SHOX: variants seen among roughly 807,000 people sequenced by gnomAD.
The protein encoded by SHOX is short stature homeobox protein.
A neutral mutation model predicts 29.6 loss-of-function variants in SHOX; 12 were observed. The ratio of observed to expected loss-of-function variants is 0.41; its 90% confidence interval spans 0.26 to 0.66. SHOX has a LOEUF of 0.66. Ranked by LOEUF, SHOX falls within the 30% of genes least tolerant of loss-of-function variation. The probability of loss-of-function intolerance (pLI) is 0.35; values close to 1 mark genes in which losing one functional copy is unlikely to be tolerated. For missense variants in SHOX, 499 were observed against 437.7 expected, an observed-to-expected ratio of 1.14 and a Z score of -1.25; for synonymous variants, 214 against 200.6, an observed-to-expected ratio of 1.07 and a Z score of -0.57.
chrX:624,901 TCTCTC>T (rs2052484940), intron 1 of SHOX, among the ~76,000 whole-genome samples: 1 of 56,890 alleles, frequency 1.8e-5, no homozygotes, highest in African/African-American at 7.3e-5. Context: ...TTTCTTTCTT[TCTCTC>T]TTCCTTTCTT....
In SHOX at chrX:644,928, C is replaced by T. The variant is rs2052938400; in HGVS notation, c.*292C>T. 7.1e-6 allele frequency: 3 copies of T among 421,738 alleles called. No individual in the cohort carries two copies. Among genetic ancestry groups the T allele is most frequent in the Non-Finnish European group, 4.1e-6 (1 of 241,482 alleles). The allele number at this position is 421,738 out of a possible 1,614,324, so 26.1% of individuals were successfully genotyped here. On this transcript the variant is annotated 3_prime_UTR_variant, in exon 5 of 5. Coordinates refer to ENST00000686671, the MANE Select transcript of SHOX (RefSeq NM_000451.4). ...TCCTGGGACCCTGGAGAAGGGTAAA[C>T]CCCCGCCTGGCTGCGTCTTCCTCTG...
chrX:642,173 G>A (rs2052865687), intron 4 of SHOX, among the ~76,000 whole-genome samples: 1 of 152,182 alleles, frequency 6.6e-6, no homozygotes, highest in African/African-American at 2.4e-5. Flanking sequence ...AAGGGTCACA[G>A]GAGGAGAGAG....
chrX:651,589 A>C (rs1338379129), downstream of SHOX: 1 of 211,776 alleles, frequency 4.7e-6, no homozygotes, highest in African/African-American at 3.3e-5. Flanking sequence ...TTTGTATTCA[A>C]GTGTTAAAAA....
upstream of SHOX, chrX:630,739 G>T: frequency 1.1e-6 from 1 of 901,326 alleles, no homozygotes. Flanking sequence ...CAGCGCATGG[G>T]GGGCTGGGCG....
At chrX:653,856 G>C (rs988147189), downstream of SHOX, among the ~76,000 whole-genome samples, 1 of 151,924 alleles carries the variant, frequency 6.6e-6, no homozygotes, top group Non-Finnish European at 1.5e-5. Context: ...TGCAGAGAAA[G>C]CAAAAACACT....
intron 2 of SHOX, among the ~76,000 whole-genome samples, chrX:635,674 G>A (rs2052733101): frequency 6.6e-6 from 1 of 152,232 alleles, no homozygotes; most frequent in Non-Finnish European, 1.5e-5. Context: ...CAGAGGGACG[G>A]GCGGGCAGAG....
intron 1 of SHOX, among the ~76,000 whole-genome samples, chrX:632,705 C>G (rs2052672491): frequency 6.6e-6 from 1 of 152,158 alleles, no homozygotes; most frequent in African/African-American, 2.4e-5. Flanking sequence ...GGTTTCTGAC[C>G]GTCTAAGAGG....
In SHOX at chrX:634,822, T is replaced by C; in HGVS notation, c.482T>C (p.Val161Ala). Residue 161 changes from valine to alanine, a missense_variant, in exon 2 of 5, where the codon GTG becomes GCG. By Grantham distance (64) the Val-to-Ala change is moderately conservative. Transcript: ENST00000686671. ...CGCCTGGGGCTCTCCGAGGCGCGCG[T>C]GCAGGTAGGAACCCGGGGGCGGGGG... The part of the protein sequence containing the change: ...SQRLGLSEAR[V>A]QVWFQNRRAK... 1 of 1,565,930 alleles carries C rather than the reference T, an allele frequency of 6.4e-7. No individual in the cohort carries two copies. The highest frequency in any genetic ancestry group is 8.7e-7 in the Non-Finnish European group (1 of 1,155,698).
upstream of SHOX, among the ~76,000 whole-genome samples, chrX:629,422 CCT>C (rs1445007413): frequency 1.4e-5 from 2 of 147,066 alleles, no homozygotes; most frequent in African/African-American, 2.5e-5. Context: ...CGTCTTTCCC[CCT>C]CTGTCTCTTT....
intron 2 of SHOX, among the ~76,000 whole-genome samples, chrX:635,337 C>A (rs2052726583): frequency 6.6e-6 from 1 of 152,142 alleles, no homozygotes. Flanking sequence ...CCCTGATTCC[C>A]CTCCGTCTTC....
At chrX:633,765 C>T (rs1425867084) in intron 1 of SHOX, among the ~76,000 whole-genome samples, 2 of 152,060 alleles carry the variant, frequency 1.3e-5, no homozygotes, top group Non-Finnish European at 2.9e-5. Context: ...GATGCCACTT[C>T]CACCAGCCCT....
intron 1 of SHOX, chrX:624,713 C>A (rs1420102355): frequency 1.4e-5 from 2 of 139,852 alleles, no homozygotes; most frequent in Non-Finnish European, 3.0e-5. Flanking sequence ...TTCTTTCTTT[C>A]TTTCTTTCTT....
At chrX:626,395 A>C (rs866933416), upstream of SHOX, among the ~76,000 whole-genome samples, 14 of 85,406 alleles carry the variant, frequency 1.6e-4, no homozygotes, top group South Asian at 1.2e-3. Context: ...CTCTGTCTGT[A>C]TCTCTATCTC....
chrX:642,703 G>C (rs2052876873), intron 4 of SHOX, among the ~76,000 whole-genome samples: 1 of 152,220 alleles, frequency 6.6e-6, no homozygotes, highest in Non-Finnish European at 1.5e-5. Flanking sequence ...GAGTCTTGGG[G>C]ACCTGGTGTC....
chrX:644,733 G>C lies in SHOX; in HGVS notation c.*97G>C. On this transcript the variant is annotated 3_prime_UTR_variant, in exon 5 of 5. Transcript: ENST00000686671. The stretch of plus-strand genomic sequence containing the variant: ...CTCAACCCCGCCTGGAGCTCCTTCC[G>C]CGGCCACCGTGCTCCGGGCACCCCG... 7.5e-7 allele frequency: 1 copy of C among 1,330,342 alleles called. No individual in the cohort carries two copies. Among genetic ancestry groups the C allele is most frequent in the Non-Finnish European group, 9.6e-7 (1 of 1,044,056 alleles). The allele number at this position is 1,330,342 out of a possible 1,614,324, so 82.4% of individuals were successfully genotyped here. A position where few individuals can be genotyped will look rare whatever the true frequency, so the allele number is the denominator to read the frequency against.
At position 625,677 on chromosome X, in the gene SHOX, CT is replaced by C. The variant is rs554818585; in HGVS notation, c.-433+1082del. On this transcript the variant is annotated intron_variant, in intron 1 of 5. Coordinates refer to the SHOX transcript ENST00000334060. ...TCTCTCTGTCTTCGTTCCTCTCTCT[CT>C]TTTTTTCTCTCTTCCTCTGTCTCTC... Among the ~76,000 whole-genome samples, 1,122 of 135,776 alleles carry C rather than the reference CT, an allele frequency of 8.3e-3. 37 individuals carry two copies. Among genetic ancestry groups the C allele is most frequent in the African/African-American group, 0.026 (934 of 36,130 alleles). The allele number at this position is 135,776 out of a possible 152,430, so 89.1% of individuals were successfully genotyped here.
intron 2 of SHOX, among the ~76,000 whole-genome samples, chrX:639,324 A>G (rs1396093663): frequency 4.6e-5 from 7 of 152,162 alleles, no homozygotes; most frequent in Non-Finnish European, 2.9e-5. Flanking sequence ...CCTTTCATGT[A>G]TGGGGACCCT....
rs2053014981 is a variant in SHOX at position 649,165 on chromosome X, G to A, written c.*4529G>A. Among the ~76,000 whole-genome samples, 3 of 151,916 alleles carry A rather than the reference G, an allele frequency of 2.0e-5. No individual in the cohort carries two copies. In the South Asian group the frequency reaches 6.2e-4, roughly 32 times the overall value. On this transcript the variant is annotated 3_prime_UTR_variant, in exon 5 of 5. Coordinates refer to ENST00000686671, the MANE Select transcript of SHOX (RefSeq NM_000451.4). ...AAATTCTCCTGCCTCAGCCTCCCAA[G>A]TAGCTGGGATGACAGGCACCCACCA... is the stretch of plus-strand genomic sequence containing the variant.
At chrX:635,808 C>G (rs1164241824) in intron 2 of SHOX, among the ~76,000 whole-genome samples, 1 of 151,952 alleles carries the variant, frequency 6.6e-6, no homozygotes, top group Admixed American at 6.6e-5. Context: ...GGAAGGTCAA[C>G]TCCTCTAGTC....
Sources: allele counts gnomAD v4.1 joint callset (sites outside exome capture counted in the v4.1 genomes callset), GRCh38; gene constraint gnomAD v4.1.1; transcripts MANE v1.5; gene names NCBI Gene and HGNC (gene_info 2026-07-23, HGNC 2026-07-21).